Variants in VPS54 observed in about 807,000 individuals in gnomAD.
The protein encoded by VPS54 is VPS54 subunit of GARP complex, also known as vacuolar protein sorting-associated protein 54.
Under a neutral mutation model 121.5 loss-of-function variants are expected in VPS54, and 45 were observed. The observed-to-expected ratio is 0.37, with a 90% CI of 0.29 to 0.47. The LOEUF is 0.47. Among genes scored for constraint, VPS54 ranks in the 20% least tolerant of loss-of-function variants. VPS54 has a pLI of 0.99. For missense variants in VPS54, 1,090 were observed against 1,131.4 expected (o/e 0.96, Z 0.52); for synonymous variants, 371 against 385.8 (o/e 0.96, Z 0.45).
At chr2:63,956,419 A>C (rs560309820) in intron 7 of VPS54, among the ~76,000 whole-genome samples, 1 of 152,336 alleles carries the variant, frequency 6.6e-6, no homozygotes, top group East Asian at 1.9e-4. Flanking sequence ...ACAAGTAGAA[A>C]ACAAGCTAGC....
chr2:63,953,847 T>G (rs1675372808), intron 7 of VPS54, among the ~76,000 whole-genome samples: 1 of 152,162 alleles, frequency 6.6e-6, no homozygotes, highest in Non-Finnish European at 1.5e-5. Context: ...TACATATGCG[T>G]CTCCTTTTAA....
chr2:63,897,503 G>T lies in VPS54; in HGVS notation c.2821C>A (p.Gln941Lys). The T allele has an allele frequency of 6.3e-7, 1 of 1,591,036 alleles. No homozygotes were observed. The highest frequency in any genetic ancestry group is 1.2e-5 in the South Asian group (1 of 86,418). ...AAACGTTAAAAAACATACCCATTTTGAGGTCCTCCATCATTTATCACATTT... is the reference window on the plus strand; with the variant it reads ...AAACGTTAAAAAACATACCCATTTTTAGGTCCTCCATCATTTATCACATTT... ...HLNVINDGGP[Q>K]NGLVTADVAF... Residue 941 changes from glutamine to lysine, a missense_variant, in exon 22 of 23, where the codon CAA (glutamine) becomes AAA (lysine). Coordinates refer to ENST00000272322, the MANE Select transcript of VPS54 (RefSeq NM_016516.3).
intron 6 of VPS54, among the ~76,000 whole-genome samples, chr2:63,963,687 G>C (rs1186960639): frequency 1.3e-5 from 2 of 152,092 alleles, no homozygotes; most frequent in Admixed American, 6.5e-5. Context: ...TAAATCTTGA[G>C]TTTATGCCCT....
intron 20 of VPS54, among the ~76,000 whole-genome samples, chr2:63,905,032 G>C (rs941581369): frequency 2.6e-5 from 4 of 152,052 alleles, no homozygotes; most frequent in Admixed American, 6.6e-5. Context: ...ATCAAAATTT[G>C]CAGGACACAG....
intron 1 of VPS54, among the ~76,000 whole-genome samples, chr2:63,985,488 A>T (rs962954391): frequency 6.6e-6 from 1 of 152,200 alleles, no homozygotes; most frequent in African/African-American, 2.4e-5. Flanking sequence ...CCATTCACTG[A>T]AACAGTAAGA....
chr2:64,008,232 G>A (rs1260939927), intron 1 of VPS54, among the ~76,000 whole-genome samples: 2 of 152,040 alleles, frequency 1.3e-5, no homozygotes, highest in Non-Finnish European at 2.9e-5. Context: ...AGCCAACGTG[G>A]TGAAACCCCA....
intron 3 of VPS54, 32 bp from the exon 4 acceptor site, chr2:63,972,276 A>T (rs897714625): frequency 6.8e-7 from 1 of 1,465,578 alleles, no homozygotes. Flanking sequence ...TCATCAATGT[A>T]TGTGTAAACA....
intron 11 of VPS54, among the ~76,000 whole-genome samples, chr2:63,934,604 T>C (rs564103843): frequency 6.6e-6 from 1 of 152,254 alleles, no homozygotes; most frequent in African/African-American, 2.4e-5. Flanking sequence ...CAGTGGTCAC[T>C]TCCTCAGAGG....
At chr2:63,959,824 C>G (rs1164495656) in intron 7 of VPS54, among the ~76,000 whole-genome samples, 1 of 152,044 alleles carries the variant, frequency 6.6e-6, no homozygotes, top group Non-Finnish European at 1.5e-5. Flanking sequence ...AGTTCGAGAC[C>G]AGCCTGGCCA....
At chr2:63,898,998 C>G (rs1672557624) in intron 21 of VPS54, among the ~76,000 whole-genome samples, 1 of 152,042 alleles carries the variant, frequency 6.6e-6, no homozygotes, top group South Asian at 2.1e-4. Context: ...GCTCTTTTTC[C>G]TAGTTTGTCT....
intron 11 of VPS54, among the ~76,000 whole-genome samples, chr2:63,938,447 A>G (rs1674567317): frequency 6.6e-6 from 1 of 152,092 alleles, no homozygotes; most frequent in Non-Finnish European, 1.5e-5. Context: ...TGGGACTTTC[A>G]GCCCCACCTT....
chr2:63,948,919 G>T, intron 8 of VPS54, 118 bp downstream of exon 8: 2 of 1,258,778 alleles, frequency 1.6e-6, no homozygotes, highest in Non-Finnish European at 2.2e-6. Flanking sequence ...GGACTTCATA[G>T]GTCTGATAGC....
intron 3 of VPS54, chr2:63,975,134 C>A: frequency 9.4e-7 from 1 of 1,059,850 alleles, no homozygotes; most frequent in Non-Finnish European, 1.3e-6. Context: ...CAACCTCCAC[C>A]TCCTGGGTCC....
chr2:63,925,246 T>A (rs1673843152), intron 12 of VPS54, among the ~76,000 whole-genome samples: 1 of 152,178 alleles, frequency 6.6e-6, no homozygotes, highest in Non-Finnish European at 1.5e-5. Flanking sequence ...AATAGGCACT[T>A]CATAGAAAAG....
chr2:63,936,573 C>A (rs550090682), intron 11 of VPS54, among the ~76,000 whole-genome samples: 1 of 152,108 alleles, frequency 6.6e-6, no homozygotes, highest in Non-Finnish European at 1.5e-5. Flanking sequence ...ATCCATACAA[C>A]AAAATGAAAT....
At chr2:63,894,701 C>T (rs370937148) in intron 22 of VPS54, among the ~76,000 whole-genome samples, 1 of 114,156 alleles carries the variant, frequency 8.8e-6, no homozygotes, top group East Asian at 2.7e-4. Flanking sequence ...ACCCTGTCTC[C>T]AAAAAAAAAA....
intron 1 of VPS54, among the ~76,000 whole-genome samples, chr2:63,989,301 C>T (rs148425041): frequency 2.7e-3 from 414 of 152,248 alleles, no homozygotes; most frequent in Non-Finnish European, 4.8e-3. Flanking sequence ...CCTTGAAGCA[C>T]GTGATCTCTG....
chr2:63,920,596 T>A lies in VPS54; in HGVS notation c.1901A>T (p.Glu634Val). Residue 634 changes from glutamate (E) to valine (V), a missense_variant, in exon 14 of 23, where the codon GAA becomes GTA. Transcript: ENST00000272322. ...DGFLEKLNSM[E>V]FITLSRLMET... ...CATTAATCTAGAAAGTGTTATGAAT[T>A]CCATGGAATTTAGCTTCTCAAGAAA... 1 of 1,531,134 alleles carries A rather than the reference T, an allele frequency of 6.5e-7. No homozygotes were observed. Among genetic ancestry groups the A allele is most frequent in the Non-Finnish European group, 8.8e-7 (1 of 1,140,990 alleles). 94.8% of individuals were successfully genotyped at this position (1,531,134 alleles called of 1,614,324 possible).
At chr2:64,005,514 T>G (rs2104688290) in intron 1 of VPS54, among the ~76,000 whole-genome samples, 1 of 152,304 alleles carries the variant, frequency 6.6e-6, no homozygotes, top group South Asian at 2.1e-4. Context: ...ATACCTGAGA[T>G]TTCTATTGGT....
Sources: gnomAD v4.1 joint callset for allele counts (sites outside exome capture counted in the v4.1 genomes callset) on GRCh38, gnomAD v4.1.1 for gene constraint, MANE v1.5 for transcripts, NCBI Gene and HGNC (gene_info 2026-07-23, HGNC 2026-07-21) for gene names.